Variants in N4BP2 observed in about 807,000 individuals in gnomAD.
The protein encoded by N4BP2 is NEDD4-binding protein 2.
N4BP2 carries 91 observed loss-of-function variants against 152.8 expected under a neutral mutation model. That is an observed-to-expected ratio of 0.60 (90% confidence interval 0.50 to 0.71). The LOEUF (loss-of-function observed/expected upper bound fraction) is 0.71. Ranked by LOEUF, N4BP2 falls within the 30% of genes least tolerant of loss-of-function variation. The pLI is 0.00. For missense variants in N4BP2, 1,923 were observed against 2,059.1 expected, an observed-to-expected ratio of 0.93 and a Z score of 1.28; for synonymous variants, 646 against 705.3, an observed-to-expected ratio of 0.92 and a Z score of 1.33.
intron 13 of N4BP2, among the ~76,000 whole-genome samples, chr4:40,132,516 A>G (rs1038466260): frequency 1.3e-5 from 2 of 152,184 alleles, no homozygotes; most frequent in African/African-American, 2.4e-5. Flanking sequence ...TATATAAAAC[A>G]TAACCAGTAA....
intron 9 of N4BP2, 56 bp from the exon 10 acceptor site, chr4:40,123,071 T>C: frequency 8.6e-7 from 1 of 1,159,668 alleles, no homozygotes; most frequent in South Asian, 1.3e-5. Flanking sequence ...GTATGTTTTC[T>C]GCAAATATAT....
chr4:40,099,359 C>A (rs951492809), intron 3 of N4BP2, among the ~76,000 whole-genome samples: 12 of 152,150 alleles, frequency 7.9e-5, no homozygotes, highest in Admixed American at 7.9e-4. Context: ...TCTCCTGCCT[C>A]AGGCTCTGAA....
At chr4:40,170,429 G>C in the N4BP2 span, among the ~76,000 whole-genome samples, 1 of 152,084 alleles carries the variant, frequency 6.6e-6, no homozygotes, top group Admixed American at 6.5e-5. Flanking sequence ...GACCAGCCTC[G>C]GCAACATGAC....
At chr4:40,072,102 T>A in intron 1 of N4BP2, among the ~76,000 whole-genome samples, 1 of 136,520 alleles carries the variant, frequency 7.3e-6, no homozygotes, top group Non-Finnish European at 1.6e-5. Context: ...TGAGATGGAG[T>A]CTCCTTCTGT....
the N4BP2 span, among the ~76,000 whole-genome samples, chr4:40,185,718 T>A: frequency 6.6e-6 from 1 of 152,196 alleles, no homozygotes; most frequent in African/African-American, 2.4e-5. Flanking sequence ...ATATGTAATT[T>A]AAAATGCCAT....
At chr4:40,188,621 G>C in the N4BP2 span, among the ~76,000 whole-genome samples, 7 of 150,878 alleles carry the variant, frequency 4.6e-5, no homozygotes, top group African/African-American at 1.7e-4. Context: ...GTGTGTGCCT[G>C]TGGTTCCAGC....
rs138323392 is a variant in N4BP2 at position 40,125,515 on chromosome 4, T to C, written c.4331-619T>C. Reference sequence around the variant, plus strand: ...GGCTACAACTTCCTCTATTTACCAGTGTCCTGTATACATGTCACTATGTTT... The same window carrying C: ...GGCTACAACTTCCTCTATTTACCAGCGTCCTGTATACATGTCACTATGTTT... On this transcript the variant is annotated intron_variant, in intron 11 of 17. Coordinates refer to ENST00000261435, the MANE Select transcript of N4BP2 (RefSeq NM_018177.6). 6.4e-4 allele frequency among the ~76,000 whole-genome samples: 97 copies of C among 152,338 alleles called. No homozygotes were observed. The East Asian group carries it at 0.017, about 27-fold the overall frequency.
the N4BP2 span, among the ~76,000 whole-genome samples, chr4:40,169,837 C>T: frequency 5.6e-3 from 841 of 151,280 alleles, 6 homozygotes; most frequent in African/African-American, 0.019. Context: ...TGGTGGCAGG[C>T]GTCTGTAATC....
At chr4:40,109,648 G>A (rs993641280) in intron 5 of N4BP2, among the ~76,000 whole-genome samples, 8 of 151,932 alleles carry the variant, frequency 5.3e-5, no homozygotes, top group Non-Finnish European at 1.0e-4. Context: ...AACCTGGGAG[G>A]CGGAGGTTTC....
the N4BP2 span, among the ~76,000 whole-genome samples, chr4:40,178,486 T>C: frequency 6.6e-6 from 1 of 151,878 alleles, no homozygotes; most frequent in African/African-American, 2.4e-5. Flanking sequence ...CTCACAGATA[T>C]GAAAGAGATT....
At chr4:40,058,810 A>C (rs1733423983) in intron 1 of N4BP2, among the ~76,000 whole-genome samples, 1 of 151,984 alleles carries the variant, frequency 6.6e-6, no homozygotes, top group Admixed American at 6.6e-5. Context: ...ATACTGTTAC[A>C]TAGTTGCATC....
intron 1 of N4BP2, among the ~76,000 whole-genome samples, chr4:40,058,093 A>G (rs1352319862): frequency 6.6e-6 from 1 of 152,214 alleles, no homozygotes; most frequent in Admixed American, 6.5e-5. Context: ...AATCCTGGAG[A>G]TGAACCTAGC....
rs1721431753 is a variant in N4BP2 at position 40,154,373 on chromosome 4, T to C, written c.*136T>C. The stretch of plus-strand genomic sequence containing the variant: ...CAATTATGAAACAAAAAAATTATGA[T>C]GTTTTTCAAAATGCAAGTGAGGTTT... On this transcript the variant is annotated 3_prime_UTR_variant, in exon 18 of 18. Coordinates refer to ENST00000261435, the MANE Select transcript of N4BP2 (RefSeq NM_018177.6). 3.7e-6 allele frequency: 2 copies of C among 543,406 alleles called. No individual in the cohort carries two copies. The highest frequency in any genetic ancestry group is 7.8e-5 in the Admixed American group (2 of 25,552). 33.7% of individuals were successfully genotyped at this position (543,406 alleles called of 1,614,324 possible).
At chr4:40,142,483 G>T in intron 14 of N4BP2, 190 bp from the exon 15 acceptor site, 2 of 539,468 alleles carry the variant, frequency 3.7e-6, no homozygotes, top group Non-Finnish European at 6.7e-6. Context: ...TAACCTTAGC[G>T]GCATAAAAAA....
At chr4:40,175,414 T>C in the N4BP2 span, among the ~76,000 whole-genome samples, 28 of 146,018 alleles carry the variant, frequency 1.9e-4, no homozygotes, top group East Asian at 2.8e-3. Context: ...AGGTAGGAAG[T>C]AGGGAGATAG....
chr4:40,172,567 C>T, the N4BP2 span, among the ~76,000 whole-genome samples: 1 of 152,172 alleles, frequency 6.6e-6, no homozygotes, highest in South Asian at 2.1e-4. Context: ...AGGAAGAAGA[C>T]ACCACACAGG....
intron 4 of N4BP2, among the ~76,000 whole-genome samples, chr4:40,105,569 A>T (rs1314446654): frequency 1.4e-5 from 2 of 144,350 alleles, no homozygotes; most frequent in Non-Finnish European, 3.0e-5. Context: ...TTTTTTTAAG[A>T]GACAGGGTCT....
chr4:40,059,293 T>G (rs970125818), intron 1 of N4BP2, among the ~76,000 whole-genome samples: 1 of 151,108 alleles, frequency 6.6e-6, no homozygotes, highest in African/African-American at 2.5e-5. Flanking sequence ...ATATGCAAAA[T>G]CATATTGTAA....
At chr4:40,100,165 A>G in intron 3 of N4BP2, 1 of 440,234 alleles carries the variant, frequency 2.3e-6, no homozygotes, top group Non-Finnish European at 4.6e-6. Context: ...AAATGAGAAA[A>G]TCGAGGTTTA....
Sources: allele counts gnomAD v4.1 joint callset (sites outside exome capture counted in the v4.1 genomes callset), GRCh38; gene constraint gnomAD v4.1.1; transcripts MANE v1.5; gene names NCBI Gene and HGNC (gene_info 2026-07-23, HGNC 2026-07-21).